Variants in ANKRD6 observed in about 807,000 individuals in gnomAD.
The protein encoded by ANKRD6 is ankyrin repeat domain 6, also known as ankyrin repeat domain-containing protein 6.
ANKRD6 carries 56 observed loss-of-function variants against 82.3 expected under a neutral mutation model. That is an observed-to-expected ratio of 0.68 (90% confidence interval 0.55 to 0.85). The LOEUF (loss-of-function observed/expected upper bound fraction) is 0.85. Among genes scored for constraint, ANKRD6 ranks in the 40% least tolerant of loss-of-function variants. ANKRD6 has a pLI of 0.00. For synonymous variants in ANKRD6, 347 were observed against 352.1 expected, an observed-to-expected ratio of 0.99 and a Z score of 0.16; for missense variants, 852 against 907.6, an observed-to-expected ratio of 0.94 and a Z score of 0.79.
chr6:89,508,140 T>C (rs1780095998), intron 1 of ANKRD6, among the ~76,000 whole-genome samples: 1 of 152,254 alleles, frequency 6.6e-6, no homozygotes, highest in South Asian at 2.1e-4. Flanking sequence ...TAGTACTTTA[T>C]TTAAAACAAT....
intron 1 of ANKRD6, among the ~76,000 whole-genome samples, chr6:89,437,432 G>A (rs1770794542): frequency 6.6e-6 from 1 of 152,220 alleles, no homozygotes; most frequent in East Asian, 1.9e-4. Flanking sequence ...CTTCTGAATA[G>A]GGCAGATGTG....
chr6:89,590,449 A>G (rs1251702108), intron 2 of ANKRD6, among the ~76,000 whole-genome samples: 1 of 152,212 alleles, frequency 6.6e-6, no homozygotes, highest in Non-Finnish European at 1.5e-5. Flanking sequence ...GGAGAGGCTT[A>G]CACACCAATA....
chr6:89,571,650 G>A (rs1789933476), intron 2 of ANKRD6, among the ~76,000 whole-genome samples: 2 of 152,104 alleles, frequency 1.3e-5, no homozygotes, highest in South Asian at 4.1e-4. Flanking sequence ...GCAAAATTGA[G>A]AGGAAGGTCC....
chr6:89,448,675 T>G (rs1193639959), intron 1 of ANKRD6, among the ~76,000 whole-genome samples: 1 of 152,182 alleles, frequency 6.6e-6, no homozygotes, highest in African/African-American at 2.4e-5. Flanking sequence ...TCATGCCTAC[T>G]AAACACAACA....
At chr6:89,582,983 C>A (rs1044050173) in intron 2 of ANKRD6, among the ~76,000 whole-genome samples, 29 of 152,208 alleles carry the variant, frequency 1.9e-4, no homozygotes. Flanking sequence ...CTTGGAGACA[C>A]AAAAGTCAGT....
At chr6:89,464,734 A>G (rs1774624019) in intron 1 of ANKRD6, among the ~76,000 whole-genome samples, 1 of 152,250 alleles carries the variant, frequency 6.6e-6, no homozygotes, top group Non-Finnish European at 1.5e-5. Context: ...AATGTGAGTT[A>G]CATTTTTACG....
chr6:89,600,651 A>G (rs1796924496), intron 3 of ANKRD6, among the ~76,000 whole-genome samples: 1 of 152,164 alleles, frequency 6.6e-6, no homozygotes, highest in Non-Finnish European at 1.5e-5. Context: ...GTCAGTAATC[A>G]TCATTGCACT....
chr6:89,499,449 T>C (rs1306364973), intron 1 of ANKRD6, among the ~76,000 whole-genome samples: 1 of 152,218 alleles, frequency 6.6e-6, no homozygotes, highest in Non-Finnish European at 1.5e-5. Flanking sequence ...TCACGCCTGA[T>C]GCCATTCTGG....
In ANKRD6 at chr6:89,614,629, G is replaced by C. The variant is rs183426810; in HGVS notation, c.615+739G>C. Among the ~76,000 whole-genome samples, 3 of 152,200 alleles carry C rather than the reference G, an allele frequency of 2.0e-5. No individual in the cohort carries two copies. The East Asian group carries it at 5.8e-4, about 29-fold the overall frequency. The stretch of plus-strand genomic sequence containing the variant: ...CTACTGTACTACAACCTGGGCAACA[G>C]AGCAAGACTACATCTCAAAATAAAT... On this transcript the variant is annotated intron_variant, in intron 7 of 15. Coordinates refer to ENST00000339746, the MANE Select transcript of ANKRD6 (RefSeq NM_001242809.2).
intron 1 of ANKRD6, among the ~76,000 whole-genome samples, chr6:89,525,497 C>T (rs1392637901): frequency 2.6e-5 from 4 of 152,040 alleles, no homozygotes; most frequent in Non-Finnish European, 5.9e-5. Flanking sequence ...CAAAGGACCA[C>T]CAGGATGGCT....
intron 2 of ANKRD6, among the ~76,000 whole-genome samples, chr6:89,577,823 C>T (rs562245053): frequency 2.6e-5 from 4 of 152,212 alleles, no homozygotes; most frequent in African/African-American, 9.6e-5. Flanking sequence ...TCTCAAAAAA[C>T]AAAACAACAA....
chr6:89,564,016 C>CTG (rs1479671892), intron 1 of ANKRD6, among the ~76,000 whole-genome samples: 1 of 152,154 alleles, frequency 6.6e-6, no homozygotes, highest in African/African-American at 2.4e-5. Flanking sequence ...CACCCACAAA[C>CTG]TGTGTGTAAA....
At chr6:89,560,059 AT>A (rs1158763663) in intron 1 of ANKRD6, among the ~76,000 whole-genome samples, 3 of 152,214 alleles carry the variant, frequency 2.0e-5, no homozygotes, top group African/African-American at 7.2e-5. Context: ...GGGATACAAG[AT>A]GACCAAAACG....
At chr6:89,446,773 A>G (rs2127948168) in intron 1 of ANKRD6, among the ~76,000 whole-genome samples, 1 of 152,296 alleles carries the variant, frequency 6.6e-6, no homozygotes, top group African/African-American at 2.4e-5. Flanking sequence ...GTGTCGTGGG[A>G]GGGACCTGGT....
At chr6:89,550,525 A>G (rs941007088) in intron 1 of ANKRD6, among the ~76,000 whole-genome samples, 1 of 152,168 alleles carries the variant, frequency 6.6e-6, no homozygotes, top group African/African-American at 2.4e-5. Context: ...TCTTGAGGGT[A>G]GTGATTGGAA....
At chr6:89,445,991 G>A (rs556522881) in intron 1 of ANKRD6, among the ~76,000 whole-genome samples, 46 of 152,294 alleles carry the variant, frequency 3.0e-4, no homozygotes, top group African/African-American at 1.0e-3. Context: ...CTGTTCCACT[G>A]ACCAGCTGTT....
At chr6:89,621,204 C>T (rs1803150157) in intron 9 of ANKRD6, 1 of 152,214 alleles carries the variant, frequency 6.6e-6, no homozygotes, top group Admixed American at 6.5e-5. Context: ...GCCACTGCGC[C>T]TGACCCGTTT....
At position 89,631,514 on chromosome 6, in the gene ANKRD6, C is replaced by T. The variant is rs1326120314; in HGVS notation, c.*510C>T. 6.6e-6 allele frequency: 1 copy of T among 152,250 alleles called. No individual in the cohort carries two copies. Among genetic ancestry groups the T allele is most frequent in the Non-Finnish European group, 1.5e-5 (1 of 68,068 alleles). 9.4% of individuals were successfully genotyped at this position (152,250 alleles called of 1,614,324 possible). A position where few individuals can be genotyped will look rare whatever the true frequency, so the allele number is the denominator to read the frequency against. On this transcript the variant is annotated 3_prime_UTR_variant, in exon 16 of 16. Coordinates refer to ENST00000339746, the MANE Select transcript of ANKRD6 (RefSeq NM_001242809.2). The stretch of plus-strand genomic sequence containing the variant: ...CTTTCTCAAATTCGTAATTCTCCAA[C>T]TGTTGACATTTTAATCACATGAAAA...
intron 1 of ANKRD6, among the ~76,000 whole-genome samples, chr6:89,528,609 G>A (rs1436903768): frequency 1.3e-5 from 2 of 152,198 alleles, no homozygotes; most frequent in African/African-American, 2.4e-5. Flanking sequence ...TGTGAATCAC[G>A]AATGTTCCTA....
Sources: gnomAD v4.1 joint callset for allele counts (sites outside exome capture counted in the v4.1 genomes callset) on GRCh38, gnomAD v4.1.1 for gene constraint, MANE v1.5 for transcripts, NCBI Gene and HGNC (gene_info 2026-07-23, HGNC 2026-07-21) for gene names.